The following WDR25 variants were observed in gnomAD, a reference collection of about 807,000 sequenced individuals.
The protein encoded by WDR25 is WD repeat-containing protein 25.
A neutral mutation model predicts 47.7 loss-of-function variants in WDR25; 35 were observed. That is an observed-to-expected ratio of 0.73 (90% CI 0.56 to 0.97). The LOEUF is 0.97. Among genes scored for constraint, WDR25 ranks in the 50% least tolerant of loss-of-function variants. The pLI is 0.00. For synonymous variants in WDR25, 248 were observed against 278.9 expected (o/e 0.89, Z 1.10); for missense variants, 634 against 704.7 (o/e 0.90, Z 1.14).
intron 4 of WDR25, among the ~76,000 whole-genome samples, chr14:100,494,783 C>T (rs1289008964): frequency 6.6e-6 from 1 of 152,180 alleles, no homozygotes; most frequent in East Asian, 1.9e-4. Context: ...GAGCCAGTGG[C>T]GGTTGGGTAT....
chr14:100,491,634 G>A (rs929459816), intron 4 of WDR25, among the ~76,000 whole-genome samples: 1 of 152,194 alleles, frequency 6.6e-6, no homozygotes, highest in African/African-American at 2.4e-5. Context: ...GCCTGATGAC[G>A]CATTTCCCAG....
chr14:100,515,922 G>A (rs1275964137), intron 4 of WDR25, among the ~76,000 whole-genome samples: 1 of 151,276 alleles, frequency 6.6e-6, no homozygotes, highest in East Asian at 1.9e-4. Flanking sequence ...ACAGATGTGA[G>A]CCACCACGCC....
intron 3 of WDR25, among the ~76,000 whole-genome samples, chr14:100,480,501 A>G (rs1900163839): frequency 6.6e-6 from 1 of 152,256 alleles, no homozygotes; most frequent in Non-Finnish European, 1.5e-5. Flanking sequence ...ATTATCCATC[A>G]TGGCAAATGT....
At chr14:100,513,690 C>CT (rs77651175) in intron 4 of WDR25, among the ~76,000 whole-genome samples, 325 of 145,242 alleles carry the variant, frequency 2.2e-3, no homozygotes, top group African/African-American at 2.8e-3. Context: ...AAAGGACCCT[C>CT]TTTTTTTTTT....
chr14:100,377,391 C>T (rs1336710531), intron 1 of WDR25, among the ~76,000 whole-genome samples: 1 of 152,114 alleles, frequency 6.6e-6, no homozygotes, highest in African/African-American at 2.4e-5. Context: ...CCTCCGCCTC[C>T]CGGGTTCAAG....
At position 100,525,768 on chromosome 14, in the gene WDR25, A is replaced by G. The variant is rs1184747378; in HGVS notation, c.1102-102A>G. On this transcript the variant is annotated intron_variant, in intron 4 of 6. Transcript: ENST00000402312. The surrounding 1 kb of genome is among the most constrained non-coding windows in gnomAD (Gnocchi z 4.6). ...CCTGGGTGTGTGTGGCCCAGCATAAACTTCACTAAACCTGCCTGCCCCCTG... is the reference window on the plus strand; with the variant it reads ...CCTGGGTGTGTGTGGCCCAGCATAAGCTTCACTAAACCTGCCTGCCCCCTG... 101 of 1,399,600 alleles carry G rather than the reference A, an allele frequency of 7.2e-5. 1 individual carries two copies. Among genetic ancestry groups the G allele is most frequent in the Non-Finnish European group, 9.3e-5 (96 of 1,036,108 alleles). The allele number at this position is 1,399,600 out of a possible 1,614,324, so 86.7% of individuals were successfully genotyped here.
intron 4 of WDR25, among the ~76,000 whole-genome samples, chr14:100,515,697 T>G (rs1313237255): frequency 2.6e-5 from 4 of 151,964 alleles, no homozygotes; most frequent in African/African-American, 9.7e-5. Context: ...GGCCTAATCT[T>G]GGCTCACTGC....
intron 2 of WDR25, among the ~76,000 whole-genome samples, chr14:100,416,436 A>C (rs766824487): frequency 1.2e-4 from 19 of 152,184 alleles, no homozygotes; most frequent in Non-Finnish European, 1.8e-4. Context: ...AAACCAACCC[A>C]TGTCACCGGC....
At chr14:100,448,223 G>A (rs187012306) in intron 2 of WDR25, among the ~76,000 whole-genome samples, 130 of 150,226 alleles carry the variant, frequency 8.7e-4, no homozygotes, top group Middle Eastern at 3.5e-3. Flanking sequence ...GAAGATTTTA[G>A]GAACATTGGA....
At chr14:100,476,389 A>G (rs919405792) in intron 3 of WDR25, 1 of 152,250 alleles carries the variant, frequency 6.6e-6, no homozygotes, top group African/African-American at 2.4e-5. Flanking sequence ...TACTTCCCAG[A>G]GGATGAGTGT....
rs1304730078 is a variant in WDR25 at position 100,468,104 on chromosome 14, CTG to C, written c.909_910del (p.Cys303TrpfsTer10). 1.9e-6 allele frequency: 3 copies of C among 1,613,532 alleles called. No homozygotes were observed. The highest frequency in any genetic ancestry group is 1.7e-5 in the Admixed American group (1 of 60,020). ...EAVRAARWAP[C>X]GRRILSGGFD... is the part of the protein sequence containing the mutation. The stretch of plus-strand genomic sequence containing the variant: ...CAGTGCGGGCCGCCCGGTGGGCTCC[CTG>C]TGGCCGGCGCATCCTCAGTGGTGGC... On this transcript the variant is annotated frameshift_variant, in exon 3 of 7. Transcript: ENST00000402312. LOFTEE classifies it high-confidence loss of function. This position sits in a 1 kb window ranked among gnomAD's most constrained non-coding sequence, Gnocchi z 4.5.
chr14:100,414,928 A>C (rs1897828758), intron 2 of WDR25, among the ~76,000 whole-genome samples: 1 of 150,780 alleles, frequency 6.6e-6, no homozygotes, highest in African/African-American at 2.4e-5. Context: ...GAAGAAAAAA[A>C]GGTCCCTTTA....
chr14:100,513,258 T>TA (rs1901369816), intron 4 of WDR25, among the ~76,000 whole-genome samples: 1 of 152,126 alleles, frequency 6.6e-6, no homozygotes, highest in Non-Finnish European at 1.5e-5. Flanking sequence ...ACATAAGGGG[T>TA]AGATTACGTC....
At chr14:100,413,634 C>T (rs977143491) in intron 2 of WDR25, among the ~76,000 whole-genome samples, 19 of 152,000 alleles carry the variant, frequency 1.3e-4, no homozygotes, top group Non-Finnish European at 2.5e-4. Flanking sequence ...AGGATGGTCT[C>T]GATCTCCTGA....
Position 100,468,270 on chromosome 14 carries a change from C to T in WDR25, c.970+102C>T. The T allele has an allele frequency of 6.7e-7, 1 of 1,483,904 alleles. No homozygotes were observed. The highest frequency in any genetic ancestry group is 2.3e-5 in the East Asian group (1 of 43,306). 91.9% of individuals were successfully genotyped at this position (1,483,904 alleles called of 1,614,324 possible). ...CCACAAGCTGTATACGCTTGCGTGG[C>T]AGAGGGAGAGGGGCCTCAGGGTGGG... On this transcript the variant is annotated intron_variant, in intron 3 of 6. Transcript: ENST00000402312. This position sits in a 1 kb window ranked among gnomAD's most constrained non-coding sequence, Gnocchi z 4.5.
intron 2 of WDR25, among the ~76,000 whole-genome samples, chr14:100,448,418 G>A (rs1381054979): frequency 6.6e-6 from 1 of 152,034 alleles, no homozygotes; most frequent in Non-Finnish European, 1.5e-5. Flanking sequence ...CGTTGCCCAG[G>A]GTGGTGACAC....
In WDR25 at chr14:100,428,323, G is replaced by A. The variant is rs1235074395; in HGVS notation, c.823-39698G>A. Reference sequence around the variant, plus strand: ...GCCCTGTGGGGTGACTGAGCTGGGCGTTGTCCTTTCCTCTTCCTGGTGTGT... The same window carrying A: ...GCCCTGTGGGGTGACTGAGCTGGGCATTGTCCTTTCCTCTTCCTGGTGTGT... On this transcript the variant is annotated intron_variant, in intron 2 of 6. Transcript: ENST00000402312. This position sits in a 1 kb window ranked among gnomAD's most constrained non-coding sequence, Gnocchi z 4.3. 3.3e-5 allele frequency among the ~76,000 whole-genome samples: 5 copies of A among 152,160 alleles called. No individual in the cohort carries two copies. The highest frequency in any genetic ancestry group is 9.7e-5 in the African/African-American group (4 of 41,440).
At chr14:100,422,385 C>T (rs1345888332) in intron 2 of WDR25, among the ~76,000 whole-genome samples, 1 of 152,196 alleles carries the variant, frequency 6.6e-6, no homozygotes, top group African/African-American at 2.4e-5. Context: ...GTGACCCAGC[C>T]TCAAAGGCAG....
In WDR25 at chr14:100,488,514, C is replaced by T. The variant is rs1425898200; in HGVS notation, c.1101+4390C>T. Among the ~76,000 whole-genome samples the T allele has an allele frequency of 6.6e-6, 1 of 152,172 alleles. No homozygotes were observed. Among genetic ancestry groups the T allele is most frequent in the Non-Finnish European group, 1.5e-5 (1 of 68,040 alleles). ...CTTAAGCAAAAGCCTCTCTGATTCA[C>T]AATTTTTAAATTGGTATCGTAAAGT... On this transcript the variant is annotated intron_variant, in intron 4 of 6. Coordinates refer to ENST00000402312, the MANE Select transcript of WDR25 (RefSeq NM_001161476.3). This position sits in a 1 kb window ranked among gnomAD's most constrained non-coding sequence, Gnocchi z 4.2.
Sources: allele counts gnomAD v4.1 joint callset (sites outside exome capture counted in the v4.1 genomes callset), GRCh38; gene constraint gnomAD v4.1.1; non-coding constraint Gnocchi (gnomAD v3.1); transcripts MANE v1.5; gene names NCBI Gene and HGNC (gene_info 2026-07-23, HGNC 2026-07-21).